The following LRRTM4 variants were observed in gnomAD, a reference collection of about 807,000 sequenced individuals.
LRRTM4 encodes the protein leucine-rich repeat transmembrane neuronal protein 4.
A neutral mutation model predicts 47.6 loss-of-function variants in LRRTM4; 25 were observed. The ratio of observed to expected loss-of-function variants is 0.53; its 90% CI spans 0.38 to 0.73. The LOEUF (loss-of-function observed/expected upper bound fraction) is 0.73. Among genes scored for constraint, LRRTM4 ranks in the 30% least tolerant of loss-of-function variants. LRRTM4 has a pLI of 0.00. For missense variants in LRRTM4, 638 were observed against 713.4 expected (o/e 0.89, Z 1.20); for synonymous variants, 311 against 269.5 (o/e 1.15, Z -1.51).
intron 3 of LRRTM4, among the ~76,000 whole-genome samples, chr2:77,337,777 T>A (rs1053609516): frequency 6.6e-6 from 1 of 151,998 alleles, no homozygotes; most frequent in Non-Finnish European, 1.5e-5. Flanking sequence ...AATGAACTAA[T>A]GCAGAGCCTG....
chr2:77,067,706 C>CAT (rs1680005114), intron 3 of LRRTM4, among the ~76,000 whole-genome samples: 1 of 151,480 alleles, frequency 6.6e-6, no homozygotes, highest in South Asian at 2.1e-4. Flanking sequence ...CACACACACA[C>CAT]ACACACACAC....
In LRRTM4 at chr2:77,394,019, G is replaced by A. The variant is rs190642809; in HGVS notation, c.1551+124299C>T. ...AACCATGTGTCCTATATTTAACCTGGCAATCATACTGCAATGAAGTATTGG... is the reference window on the plus strand; with the variant it reads ...AACCATGTGTCCTATATTTAACCTGACAATCATACTGCAATGAAGTATTGG... On this transcript the variant is annotated intron_variant, in intron 3 of 3. Coordinates refer to ENST00000409884, the MANE Select transcript of LRRTM4 (RefSeq NM_001134745.3). Among the ~76,000 whole-genome samples, 740 of 151,684 alleles carry A rather than the reference G, an allele frequency of 4.9e-3. 4 individuals are homozygous for A. The highest frequency in any genetic ancestry group is 8.1e-3 in the Non-Finnish European group (550 of 67,832).
intron 3 of LRRTM4, among the ~76,000 whole-genome samples, chr2:77,220,960 G>A (rs1334400882): frequency 6.6e-6 from 1 of 152,170 alleles, no homozygotes; most frequent in South Asian, 2.1e-4. Context: ...AGAGAGAAAA[G>A]TCAGCTTACC....
At chr2:76,810,214 C>G (rs1390065363) in intron 3 of LRRTM4, among the ~76,000 whole-genome samples, 1 of 152,112 alleles carries the variant, frequency 6.6e-6, no homozygotes, top group Admixed American at 6.6e-5. Context: ...TTTAATTGAA[C>G]AGTTTTTGTT....
intron 3 of LRRTM4, among the ~76,000 whole-genome samples, chr2:77,398,250 G>A (rs1299890189): frequency 8.6e-5 from 13 of 151,898 alleles, no homozygotes; most frequent in Admixed American, 3.3e-4. Context: ...TTTACAATAC[G>A]TCTTCATAAC....
chr2:77,331,549 T>G (rs1456557936), intron 3 of LRRTM4, among the ~76,000 whole-genome samples: 1 of 152,184 alleles, frequency 6.6e-6, no homozygotes, highest in Non-Finnish European at 1.5e-5. Context: ...ATAGGACACA[T>G]AGCTTATGAA....
At chr2:77,309,754 G>A (rs928988559) in intron 3 of LRRTM4, among the ~76,000 whole-genome samples, 3 of 152,088 alleles carry the variant, frequency 2.0e-5, no homozygotes, top group Non-Finnish European at 4.4e-5. Context: ...CTAAAAGCAC[G>A]AGAAATATCT....
intron 3 of LRRTM4, among the ~76,000 whole-genome samples, chr2:76,893,573 G>A (rs1218734081): frequency 2.0e-5 from 3 of 151,340 alleles, no homozygotes; most frequent in African/African-American, 4.8e-5. Context: ...AAATAATTGT[G>A]TAAGTCTAAA....
intron 3 of LRRTM4, among the ~76,000 whole-genome samples, chr2:77,102,369 C>CAG (rs2103913658): frequency 6.6e-6 from 1 of 152,254 alleles, no homozygotes; most frequent in South Asian, 2.1e-4. Context: ...TCCACGTATT[C>CAG]CCACTTCGGC....
At chr2:77,103,647 G>GTATATATATA (rs367583554) in intron 3 of LRRTM4, among the ~76,000 whole-genome samples, 1,752 of 123,902 alleles carry the variant, frequency 0.014, 50 homozygotes, top group African/African-American at 0.046. Context: ...ATACATGAGT[G>GTATATATATA]TATATATATA....
chr2:77,153,305 G>A (rs1181591822), intron 3 of LRRTM4, among the ~76,000 whole-genome samples: 2 of 152,074 alleles, frequency 1.3e-5, no homozygotes, highest in Non-Finnish European at 2.9e-5. Flanking sequence ...TCCTGCCCAC[G>A]TTTTCTGTAA....
At chr2:76,823,384 A>G (rs1671105753) in intron 3 of LRRTM4, among the ~76,000 whole-genome samples, 1 of 151,482 alleles carries the variant, frequency 6.6e-6, no homozygotes, top group South Asian at 2.1e-4. Context: ...CAATGAGACA[A>G]ACCTTTGTTA....
At chr2:77,477,049 C>T (rs1677427823) in intron 3 of LRRTM4, among the ~76,000 whole-genome samples, 1 of 151,140 alleles carries the variant, frequency 6.6e-6, no homozygotes, top group Non-Finnish European at 1.5e-5. Context: ...ACTGGGCTTT[C>T]CAATGCACTT....
intron 3 of LRRTM4, among the ~76,000 whole-genome samples, chr2:77,417,338 T>C (rs1674675646): frequency 6.6e-6 from 1 of 152,078 alleles, no homozygotes; most frequent in Non-Finnish European, 1.5e-5. Flanking sequence ...GTGTGGCGAT[T>C]CCTCAGGGAT....
chr2:77,500,707 T>TA, intron 3 of LRRTM4, among the ~76,000 whole-genome samples: 1 of 151,716 alleles, frequency 6.6e-6, no homozygotes, highest in East Asian at 1.9e-4. Context: ...CGTATTATTT[T>TA]AAAAAATAAC....
intron 3 of LRRTM4, among the ~76,000 whole-genome samples, chr2:77,099,205 A>G (rs1670886951): frequency 6.6e-6 from 1 of 152,002 alleles, no homozygotes; most frequent in Non-Finnish European, 1.5e-5. Context: ...ATTAATTATC[A>G]TATACAAAGT....
chr2:77,441,255 C>T (rs1272818807), intron 3 of LRRTM4, among the ~76,000 whole-genome samples: 2 of 152,142 alleles, frequency 1.3e-5, no homozygotes, highest in Non-Finnish European at 2.9e-5. Context: ...TTTTTAAAAA[C>T]TTTAAATGTT....
At chr2:77,122,595 C>T (rs113125868) in intron 3 of LRRTM4, among the ~76,000 whole-genome samples, 3 of 151,294 alleles carry the variant, frequency 2.0e-5, no homozygotes, top group African/African-American at 4.8e-5. Flanking sequence ...TGGACATGCA[C>T]ACACCATTTC....
Position 77,096,889 on chromosome 2 carries a change from G to A in LRRTM4, c.1552-347973C>T, listed in dbSNP as rs183615169. Among the ~76,000 whole-genome samples, 5 of 151,800 alleles carry A rather than the reference G, an allele frequency of 3.3e-5. No individual in the cohort carries two copies. In the East Asian group the frequency reaches 7.7e-4, roughly 24 times the overall value. On this transcript the variant is annotated intron_variant, in intron 3 of 3. Transcript: ENST00000409884. Reference sequence around the variant, plus strand: ...CAGATATATCAGCTATCAACTTAAGGTAATTGGATGAAACTCTTCAGTTAA... The same window carrying A: ...CAGATATATCAGCTATCAACTTAAGATAATTGGATGAAACTCTTCAGTTAA...
Sources: gnomAD v4.1 joint callset for allele counts (sites outside exome capture counted in the v4.1 genomes callset) on GRCh38, gnomAD v4.1.1 for gene constraint, MANE v1.5 for transcripts, NCBI Gene and HGNC (gene_info 2026-07-23, HGNC 2026-07-21) for gene names.